Variants in FSTL5 observed in about 807,000 individuals in gnomAD.
The protein encoded by FSTL5 is follistatin-related protein 5.
In FSTL5, 62 loss-of-function variants were observed where a neutral mutation model predicts 89.1. The observed-to-expected ratio is 0.70, with a 90% CI of 0.57 to 0.86. The LOEUF (loss-of-function observed/expected upper bound fraction) is 0.86. FSTL5 is among the 40% of genes least tolerant of loss of function. The pLI is 0.00. For synonymous variants in FSTL5, 383 were observed against 346.2 expected (o/e 1.11, Z -1.18); for missense variants, 1,057 against 1,001.6 (o/e 1.06, Z -0.75).
chr4:161,527,012 A>AATC (rs1457691511), intron 10 of FSTL5, among the ~76,000 whole-genome samples: 1 of 152,084 alleles, frequency 6.6e-6, no homozygotes, highest in African/African-American at 2.4e-5. Flanking sequence ...GATGGCATTG[A>AATC]ATCTATAAAT....
intron 4 of FSTL5, among the ~76,000 whole-genome samples, chr4:161,814,771 G>A (rs1167967443): frequency 6.6e-6 from 1 of 152,008 alleles, no homozygotes; most frequent in African/African-American, 2.4e-5. Context: ...GTAGGTTTGA[G>A]CCAAATATAT....
chr4:162,073,750 T>C (rs149924427), intron 2 of FSTL5, among the ~76,000 whole-genome samples: 78 of 151,894 alleles, frequency 5.1e-4, no homozygotes, highest in African/African-American at 1.7e-3. Flanking sequence ...TCTGGTATAA[T>C]TGCATATGAA....
chr4:161,499,361 C>T (rs1312121080), intron 12 of FSTL5, among the ~76,000 whole-genome samples: 1 of 152,118 alleles, frequency 6.6e-6, no homozygotes, highest in African/African-American at 2.4e-5. Flanking sequence ...CTTTGTCCTA[C>T]AAAATATCCA....
chr4:161,984,716 TG>T (rs1312773906), intron 3 of FSTL5, among the ~76,000 whole-genome samples: 2 of 152,154 alleles, frequency 1.3e-5, no homozygotes, highest in Admixed American at 1.3e-4. Flanking sequence ...AAGATTACAA[TG>T]ATGTTAACAA....
At chr4:161,428,591 C>G (rs1350332166) in intron 15 of FSTL5, among the ~76,000 whole-genome samples, 3 of 152,176 alleles carry the variant, frequency 2.0e-5, no homozygotes, top group Admixed American at 2.0e-4. Context: ...GGCCCTCGCT[C>G]CTGGATGACA....
At chr4:161,579,095 T>C (rs917745206) in intron 8 of FSTL5, among the ~76,000 whole-genome samples, 1 of 152,140 alleles carries the variant, frequency 6.6e-6, no homozygotes, top group Admixed American at 6.6e-5. Context: ...CTCTGAAAGA[T>C]ATGTAACTTT....
In FSTL5 at chr4:161,499,999, A is replaced by C. The variant is rs776461943; in HGVS notation, c.1458+17T>G. The C allele has an allele frequency of 7.5e-6, 11 of 1,470,320 alleles. No homozygotes were observed. The Admixed American group carries it at 1.7e-4, about 23-fold the overall frequency. The allele number at this position is 1,470,320 out of a possible 1,614,324, so 91.1% of individuals were successfully genotyped here. A position where few individuals can be genotyped will look rare whatever the true frequency, so the allele number is the denominator to read the frequency against. On this transcript the variant is annotated intron_variant, in intron 12 of 15. Transcript: ENST00000306100. Reference sequence around the variant, plus strand: ...AATTTCTGCATAAAACGTCAAAGGAACTTTTTAGATACTTGCCTGAAATCC... The same window carrying C: ...AATTTCTGCATAAAACGTCAAAGGACCTTTTTAGATACTTGCCTGAAATCC...
At position 161,419,728 on chromosome 4, in the gene FSTL5, A is replaced by G. The variant is rs1731917624; in HGVS notation, c.1842-33279T>C. Among the ~76,000 whole-genome samples the G allele has an allele frequency of 2.0e-5, 3 of 152,174 alleles. 1 individual carries two copies. In the South Asian group the frequency reaches 6.2e-4, roughly 32 times the overall value. ...GTCTCTCCAAACTCATCTCCTAACT[A>G]TAAAGATGAGATTCATAGGTTCAGG... On this transcript the variant is annotated intron_variant, in intron 15 of 15. Transcript: ENST00000306100.
chr4:161,834,741 C>A (rs780496589), intron 4 of FSTL5, among the ~76,000 whole-genome samples: 1 of 152,222 alleles, frequency 6.6e-6, no homozygotes, highest in Non-Finnish European at 1.5e-5. Flanking sequence ...ATCCAACTTA[C>A]AAGGGACGTG....
At chr4:161,724,920 C>T (rs575889236) in intron 6 of FSTL5, among the ~76,000 whole-genome samples, 152 of 152,254 alleles carry the variant, frequency 1.0e-3, no homozygotes, top group Non-Finnish European at 1.4e-3. Flanking sequence ...ATTGGCCAGG[C>T]GCAGTGGCTC....
intron 4 of FSTL5, among the ~76,000 whole-genome samples, chr4:161,794,048 C>G (rs555869314): frequency 7.2e-5 from 11 of 152,238 alleles, no homozygotes; most frequent in Non-Finnish European, 1.0e-4. Flanking sequence ...GTATTTTGGG[C>G]ACAGCTTGAA....
chr4:161,620,776 A>C (rs1262762011), intron 7 of FSTL5, among the ~76,000 whole-genome samples: 1 of 152,234 alleles, frequency 6.6e-6, no homozygotes, highest in East Asian at 1.9e-4. Context: ...AAAATGGTAA[A>C]TATGTAGGTA....
chr4:161,666,746 G>T (rs549046911), intron 6 of FSTL5, among the ~76,000 whole-genome samples: 15 of 152,082 alleles, frequency 9.9e-5, no homozygotes, highest in Non-Finnish European at 1.8e-4. Context: ...AAAGGGGCCA[G>T]TAGAAAGAAA....
At chr4:161,925,745 C>T (rs1255998974) in intron 3 of FSTL5, among the ~76,000 whole-genome samples, 1 of 151,658 alleles carries the variant, frequency 6.6e-6, no homozygotes, top group African/African-American at 2.4e-5. Context: ...AACATATTGA[C>T]TTAGAATCAT....
chr4:161,743,401 T>A (rs1740092071), intron 6 of FSTL5, among the ~76,000 whole-genome samples: 1 of 152,134 alleles, frequency 6.6e-6, no homozygotes, highest in African/African-American at 2.4e-5. Context: ...ATTCCATTGG[T>A]CTACATATGT....
chr4:161,886,651 C>T (rs1732816129), intron 4 of FSTL5, among the ~76,000 whole-genome samples: 1 of 152,146 alleles, frequency 6.6e-6, no homozygotes, highest in African/African-American at 2.4e-5. Flanking sequence ...GATTTCATTT[C>T]CATATCATCA....
chr4:161,936,160 C>T (rs1734426788), intron 3 of FSTL5, among the ~76,000 whole-genome samples: 1 of 152,068 alleles, frequency 6.6e-6, no homozygotes, highest in African/African-American at 2.4e-5. Flanking sequence ...TACAGAGCTT[C>T]CTTCAATGGA....
At chr4:161,973,899 C>A (rs559429315) in intron 3 of FSTL5, among the ~76,000 whole-genome samples, 22 of 152,274 alleles carry the variant, frequency 1.4e-4, no homozygotes, top group African/African-American at 5.3e-4. Flanking sequence ...TGATAAGGAA[C>A]TTCAGCAAAG....
At chr4:162,055,263 AATTAGT>A (rs1367823927) in intron 2 of FSTL5, among the ~76,000 whole-genome samples, 1 of 151,764 alleles carries the variant, frequency 6.6e-6, no homozygotes, top group Non-Finnish European at 1.5e-5. Context: ...CAATTCTCAT[AATTAGT>A]ACTATAATTC....
Sources: gnomAD v4.1 joint callset for allele counts (sites outside exome capture counted in the v4.1 genomes callset) on GRCh38, gnomAD v4.1.1 for gene constraint, MANE v1.5 for transcripts, NCBI Gene and HGNC (gene_info 2026-07-23, HGNC 2026-07-21) for gene names.